Variants in BNC2 observed in about 807,000 individuals in gnomAD.
BNC2 encodes the protein basonuclin zinc finger protein 2, also known as zinc finger protein basonuclin-2.
A neutral mutation model predicts 76.3 loss-of-function variants in BNC2; 20 were observed. The ratio of observed to expected loss-of-function variants is 0.26; its 90% CI spans 0.18 to 0.38. The LOEUF (loss-of-function observed/expected upper bound fraction) is 0.38, where lower values mean the gene tolerates loss of function less well. Ranked by LOEUF, BNC2 falls within the 10% of genes least tolerant of loss-of-function variation. The pLI, the probability that BNC2 is intolerant of heterozygous loss-of-function variation, is 1.00. For synonymous variants in BNC2, 582 were observed against 514.8 expected, an observed-to-expected ratio of 1.13 and a Z score of -1.77; for missense variants, 1,382 against 1,399.8, an observed-to-expected ratio of 0.99 and a Z score of 0.20.
chr9:16,806,384 A>C (rs1176467968), intron 1 of BNC2, among the ~76,000 whole-genome samples: 1 of 152,148 alleles, frequency 6.6e-6, no homozygotes, highest in East Asian at 1.9e-4. Context: ...AAAAGAAAAA[A>C]GAAAAGAAAA....
At chr9:16,701,003 C>T (rs1419340726) in intron 3 of BNC2, among the ~76,000 whole-genome samples, 2 of 152,044 alleles carry the variant, frequency 1.3e-5, no homozygotes, top group African/African-American at 2.4e-5. Context: ...ATAACATCGC[C>T]AAGCACAAGA....
chr9:16,799,617 A>G (rs1465777593), intron 1 of BNC2, among the ~76,000 whole-genome samples: 1 of 152,176 alleles, frequency 6.6e-6, no homozygotes, highest in Admixed American at 6.5e-5. Context: ...AGGGCAAAAT[A>G]GCCCAAAAAA....
chr9:16,844,087 C>A (rs971973538), intron 1 of BNC2, among the ~76,000 whole-genome samples: 1 of 151,898 alleles, frequency 6.6e-6, no homozygotes, highest in African/African-American at 2.4e-5. Context: ...TAGTGAGTCA[C>A]CATCTCTACA....
chr9:16,565,876 C>T (rs1425071977), intron 4 of BNC2, among the ~76,000 whole-genome samples: 4 of 151,368 alleles, frequency 2.6e-5, no homozygotes, highest in African/African-American at 9.7e-5. Context: ...GGATATGTGA[C>T]ATGAGAACAT....
chr9:16,728,308 C>T, intron 2 of BNC2: 2 of 442,174 alleles, frequency 4.5e-6, no homozygotes, highest in Non-Finnish European at 8.4e-6. Context: ...TAAGAGTCAA[C>T]TGCACTGTTC....
At chr9:16,699,665 C>T (rs914800919) in intron 3 of BNC2, among the ~76,000 whole-genome samples, 1 of 152,212 alleles carries the variant, frequency 6.6e-6, no homozygotes, top group Non-Finnish European at 1.5e-5. Flanking sequence ...CTAACTAACC[C>T]TCTCTGTGCC....
intron 1 of BNC2, among the ~76,000 whole-genome samples, chr9:16,741,430 G>A (rs897302105): frequency 1.3e-5 from 2 of 151,326 alleles, no homozygotes; most frequent in Admixed American, 1.3e-4. Context: ...TCCAGCCTGG[G>A]CAACAACAGC....
At chr9:16,857,757 T>C (rs1316288883) in intron 1 of BNC2, among the ~76,000 whole-genome samples, 2 of 152,158 alleles carry the variant, frequency 1.3e-5, no homozygotes, top group South Asian at 2.1e-4. Flanking sequence ...AAACAGACAA[T>C]GCAGTGAAGA....
At chr9:16,524,491 T>TG (rs937006373) in intron 5 of BNC2, among the ~76,000 whole-genome samples, 6 of 150,822 alleles carry the variant, frequency 4.0e-5, no homozygotes, top group African/African-American at 1.5e-4. Flanking sequence ...TTCCATTTCC[T>TG]GTTTTTTTTT....
At chr9:16,716,958 A>G (rs767010917) in intron 3 of BNC2, among the ~76,000 whole-genome samples, 8 of 152,246 alleles carry the variant, frequency 5.3e-5, no homozygotes, top group Non-Finnish European at 1.0e-4. Context: ...TCACAAAATC[A>G]TAATGATCAT....
At chr9:16,710,862 C>T (rs1482682688) in intron 3 of BNC2, among the ~76,000 whole-genome samples, 1 of 152,092 alleles carries the variant, frequency 6.6e-6, no homozygotes, top group Non-Finnish European at 1.5e-5. Flanking sequence ...ATTTGCTCAT[C>T]ACAGGACCCA....
chr9:16,856,551 G>A (rs900428339), intron 1 of BNC2, among the ~76,000 whole-genome samples: 5 of 152,162 alleles, frequency 3.3e-5, no homozygotes, highest in South Asian at 4.2e-4. Context: ...TGGGACTACA[G>A]GCATGCACCA....
At chr9:16,569,086 T>C (rs1372213547) in intron 4 of BNC2, among the ~76,000 whole-genome samples, 1 of 149,858 alleles carries the variant, frequency 6.7e-6, no homozygotes, top group Non-Finnish European at 1.5e-5. Flanking sequence ...TGATAAAAAC[T>C]GTCAACCCTT....
rs143327529 is a variant in BNC2 at position 16,548,436 on chromosome 9, C to T, written c.669+4094G>A. On this transcript the variant is annotated intron_variant, in intron 5 of 6. Transcript: ENST00000380672. ...TTTTTTTTCTTTCGAGATGGAGTCT[C>T]GCTGCAATGCCCAGGCTGGAGTGCA... 2.4e-3 allele frequency among the ~76,000 whole-genome samples: 359 copies of T among 150,508 alleles called. 3 individuals carry two copies. The highest frequency in any genetic ancestry group is 8.4e-3 in the African/African-American group (342 of 40,948).
chr9:16,536,472 T>C lies in BNC2; in HGVS notation c.669+16058A>G, dbSNP rs367785073. On this transcript the variant is annotated intron_variant, in intron 5 of 6. Coordinates refer to ENST00000380672, the MANE Select transcript of BNC2 (RefSeq NM_017637.6). Reference sequence around the variant, plus strand: ...TTTTTATTCTATCTAAATGTATTTCTAGCCTCACAATTTAAGACTCACAAA... The same window carrying C: ...TTTTTATTCTATCTAAATGTATTTCCAGCCTCACAATTTAAGACTCACAAA... 1.8e-3 allele frequency among the ~76,000 whole-genome samples: 280 copies of C among 152,332 alleles called. 1 individual carries two copies. The highest frequency in any genetic ancestry group is 6.1e-3 in the African/African-American group (253 of 41,590).
Position 16,671,882 on chromosome 9 carries a change from G to A in BNC2, c.330+55915C>T, listed in dbSNP as rs141261102. 1.5e-3 allele frequency among the ~76,000 whole-genome samples: 235 copies of A among 152,278 alleles called. 1 individual carries two copies. Among genetic ancestry groups the A allele is most frequent in the African/African-American group, 5.2e-3 (217 of 41,560 alleles). On this transcript the variant is annotated intron_variant, in intron 3 of 6. Transcript: ENST00000380672. ...ACATAGCTCAACAATGACTGAAAAT[G>A]CAAGTTGCATAATCTAGAACAGAGC...
Position 16,744,609 on chromosome 9 carries a change from AG to A in BNC2, c.4-6125del, listed in dbSNP as rs1824947151. On this transcript the variant is annotated intron_variant, in intron 1 of 6. Transcript: ENST00000380672. ...TTTTATTCTTCATACCCTTGCCCAG[AG>A]GAAGGGATCATCACTCAGGACTTGG... Among the ~76,000 whole-genome samples the A allele has an allele frequency of 5.3e-5, 8 of 152,176 alleles. No homozygotes were observed. In the South Asian group the frequency reaches 1.7e-3, roughly 32 times the overall value.
chr9:16,858,345 C>T (rs1819313415), intron 1 of BNC2, among the ~76,000 whole-genome samples: 2 of 152,192 alleles, frequency 1.3e-5, no homozygotes, highest in South Asian at 4.1e-4. Flanking sequence ...GGGTGTTTCA[C>T]AGGGAACCAG....
chr9:16,552,157 C>T (rs1284156876), intron 5 of BNC2, among the ~76,000 whole-genome samples: 1 of 152,082 alleles, frequency 6.6e-6, no homozygotes, highest in Non-Finnish European at 1.5e-5. Flanking sequence ...CCCTAATAAA[C>T]CCAAATGAAG....
Sources: gnomAD v4.1 joint callset for allele counts (sites outside exome capture counted in the v4.1 genomes callset) on GRCh38, gnomAD v4.1.1 for gene constraint, MANE v1.5 for transcripts, NCBI Gene and HGNC (gene_info 2026-07-23, HGNC 2026-07-21) for gene names.